The following EPHA3 variants were observed in gnomAD, a reference collection of about 807,000 sequenced individuals.
EPHA3 encodes the protein ephrin type-A receptor 3.
In EPHA3, 42 loss-of-function variants were observed where a neutral mutation model predicts 107.1. The observed-to-expected ratio is 0.39, with a 90% confidence interval of 0.31 to 0.51. EPHA3 has a LOEUF of 0.51. EPHA3 is among the 20% of genes least tolerant of loss of function. The pLI is 0.78. For missense variants in EPHA3, 1,183 were observed against 1,211.2 expected (o/e 0.98, Z 0.35); for synonymous variants, 461 against 424.8 (o/e 1.09, Z -1.05).
chr3:89,267,572 C>T (rs952563626), intron 3 of EPHA3, among the ~76,000 whole-genome samples: 1 of 152,080 alleles, frequency 6.6e-6, no homozygotes, highest in Non-Finnish European at 1.5e-5. Context: ...TCTAAATGAA[C>T]ATTAAAAGCC....
At chr3:89,142,457 A>G (rs1286899243) in intron 2 of EPHA3, among the ~76,000 whole-genome samples, 1 of 151,440 alleles carries the variant, frequency 6.6e-6, no homozygotes, top group East Asian at 1.9e-4. Flanking sequence ...TTTTGTGGCC[A>G]TAGGCCTGCT....
At chr3:89,130,996 T>G (rs1181924235) in intron 2 of EPHA3, among the ~76,000 whole-genome samples, 1 of 152,186 alleles carries the variant, frequency 6.6e-6, no homozygotes, top group East Asian at 1.9e-4. Flanking sequence ...GGAGATATGA[T>G]ACTACATATA....
At chr3:89,132,657 G>T (rs1031001413) in intron 2 of EPHA3, among the ~76,000 whole-genome samples, 2 of 152,104 alleles carry the variant, frequency 1.3e-5, no homozygotes, top group African/African-American at 4.8e-5. Context: ...ATCACTTGAG[G>T]CCAGGGCTTC....
At position 89,221,993 on chromosome 3, in the gene EPHA3, G is replaced by A. The variant is rs144006341; in HGVS notation, c.814+11473G>A. On this transcript the variant is annotated intron_variant, in intron 3 of 16. Coordinates refer to ENST00000336596, the MANE Select transcript of EPHA3 (RefSeq NM_005233.6). ...GCATAACATCTCTTTCTTTAACATA[G>A]GATTAGGTAAGCCTCTAACACGCAA... Among the ~76,000 whole-genome samples, 1,018 of 152,148 alleles carry A rather than the reference G, an allele frequency of 6.7e-3. 8 individuals carry two copies. The highest frequency in any genetic ancestry group is 0.02 in the African/African-American group (845 of 41,522).
chr3:89,117,816 T>C (rs907606648), intron 1 of EPHA3, among the ~76,000 whole-genome samples: 3 of 152,074 alleles, frequency 2.0e-5, no homozygotes, highest in African/African-American at 7.2e-5. Context: ...CCTCTAATCA[T>C]CTATAATATT....
intron 5 of EPHA3, among the ~76,000 whole-genome samples, chr3:89,380,499 T>G (rs990767277): frequency 1.3e-5 from 2 of 152,290 alleles, no homozygotes; most frequent in South Asian, 2.1e-4. Context: ...TGGTCTGGTG[T>G]AACAATGCCC....
chr3:89,286,263 A>C (rs953892691), intron 3 of EPHA3, among the ~76,000 whole-genome samples: 1 of 151,302 alleles, frequency 6.6e-6, no homozygotes, highest in African/African-American at 2.4e-5. Context: ...AGAGCGTGGG[A>C]CAAGTGAGTA....
intron 3 of EPHA3, among the ~76,000 whole-genome samples, chr3:89,246,467 A>G (rs1179827089): frequency 5.9e-5 from 9 of 151,446 alleles, no homozygotes; most frequent in Non-Finnish European, 1.0e-4. Flanking sequence ...AACATGACAT[A>G]GGACACAGCT....
chr3:89,234,278 A>C, intron 3 of EPHA3, among the ~76,000 whole-genome samples: 1 of 152,198 alleles, frequency 6.6e-6, no homozygotes, highest in East Asian at 1.9e-4. Flanking sequence ...AGAAAGGAGA[A>C]CTTACTGTTT....
chr3:89,467,635 A>G (rs1247356936), intron 15 of EPHA3, among the ~76,000 whole-genome samples: 3 of 152,126 alleles, frequency 2.0e-5, no homozygotes, highest in Admixed American at 2.0e-4. Flanking sequence ...GCTAATTTTT[A>G]TGCACCTATT....
intron 2 of EPHA3, among the ~76,000 whole-genome samples, chr3:89,174,696 G>C (rs545283256): frequency 1.8e-4 from 27 of 151,766 alleles, no homozygotes; most frequent in Non-Finnish European, 3.4e-4. Context: ...TCTTAATGAA[G>C]TTACTTTTTA....
chr3:89,454,023 T>A (rs1286054198), intron 15 of EPHA3, among the ~76,000 whole-genome samples: 1 of 152,126 alleles, frequency 6.6e-6, no homozygotes. Flanking sequence ...TGTTCTATTA[T>A]ATTCTTTCTC....
intron 13 of EPHA3, among the ~76,000 whole-genome samples, chr3:89,439,746 C>T (rs1487642749): frequency 1.3e-5 from 2 of 151,878 alleles, no homozygotes; most frequent in African/African-American, 2.4e-5. Context: ...CACACACACA[C>T]ACACACACAT....
intron 13 of EPHA3, among the ~76,000 whole-genome samples, chr3:89,435,015 T>C (rs111695037): frequency 1.9e-3 from 283 of 152,130 alleles, no homozygotes; most frequent in Non-Finnish European, 3.3e-3. Flanking sequence ...ATAGGCCTTA[T>C]TGAGTACAAT....
chr3:89,476,442 T>C (rs1001781765), intron 16 of EPHA3, among the ~76,000 whole-genome samples: 5 of 148,208 alleles, frequency 3.4e-5, no homozygotes, highest in Non-Finnish European at 7.4e-5. Flanking sequence ...CCAAACATCA[T>C]AGCAAGCAGC....
At chr3:89,384,639 G>C (rs77363515) in intron 5 of EPHA3, among the ~76,000 whole-genome samples, 2,439 of 152,158 alleles carry the variant, frequency 0.016, 68 homozygotes, top group African/African-American at 0.055. Context: ...CATTTTGAGG[G>C]TATCTTATGT....
chr3:89,415,419 C>A, intron 10 of EPHA3, among the ~76,000 whole-genome samples: 1 of 145,216 alleles, frequency 6.9e-6, no homozygotes, highest in Admixed American at 6.9e-5. Context: ...AAAGGCAAAC[C>A]TTTCAGCCAA....
intron 13 of EPHA3, among the ~76,000 whole-genome samples, chr3:89,448,290 A>G (rs1709918582): frequency 6.6e-6 from 1 of 152,182 alleles, no homozygotes; most frequent in African/African-American, 2.4e-5. Flanking sequence ...TATATGCATT[A>G]TAAAGTTTGA....
At chr3:89,319,799 T>C (rs1707000742) in intron 3 of EPHA3, among the ~76,000 whole-genome samples, 1 of 151,950 alleles carries the variant, frequency 6.6e-6, no homozygotes, top group South Asian at 2.1e-4. Flanking sequence ...TTCCCTATAA[T>C]TAAAAATTAT....
Sources: gnomAD v4.1 joint callset for allele counts (sites outside exome capture counted in the v4.1 genomes callset) on GRCh38, gnomAD v4.1.1 for gene constraint, MANE v1.5 for transcripts, NCBI Gene and HGNC (gene_info 2026-07-23, HGNC 2026-07-21) for gene names.